Variants in KCNQ5 observed in about 807,000 individuals in gnomAD.
KCNQ5 encodes the protein potassium voltage-gated channel subfamily KQT member 5.
Under a neutral mutation model 98.2 loss-of-function variants are expected in KCNQ5, and 30 were observed. The ratio of observed to expected loss-of-function variants is 0.31; its 90% CI spans 0.23 to 0.41. The LOEUF is 0.41. Ranked by LOEUF, KCNQ5 falls within the 10% of genes least tolerant of loss-of-function variation. The pLI, the probability that KCNQ5 is intolerant of heterozygous loss-of-function variation, is 1.00. For missense variants in KCNQ5, 835 were observed against 1,182.5 expected (o/e 0.71, Z 4.31); for synonymous variants, 458 against 449.4 (o/e 1.02, Z -0.24).
chr6:72,779,045 C>T (rs1272235201), intron 1 of KCNQ5, among the ~76,000 whole-genome samples: 4 of 152,162 alleles, frequency 2.6e-5, no homozygotes, highest in Admixed American at 2.6e-4. Context: ...GTTGAGACTG[C>T]TTTTCCACAC....
chr6:72,628,611 T>C (rs1472425096), intron 1 of KCNQ5, among the ~76,000 whole-genome samples: 1 of 152,178 alleles, frequency 6.6e-6, no homozygotes, highest in Non-Finnish European at 1.5e-5. Context: ...TCTTTCTTTC[T>C]TTCTTTTTGT....
chr6:72,786,008 T>C (rs1052027908), intron 1 of KCNQ5, among the ~76,000 whole-genome samples: 28 of 152,344 alleles, frequency 1.8e-4, no homozygotes, highest in African/African-American at 6.3e-4. Context: ...TTTTCTGTTA[T>C]TTACATTTAA....
intron 1 of KCNQ5, among the ~76,000 whole-genome samples, chr6:72,934,727 G>C (rs1250295510): frequency 6.6e-6 from 1 of 152,150 alleles, no homozygotes; most frequent in Non-Finnish European, 1.5e-5. Context: ...GTAACAGGAG[G>C]CTCTTTCTCT....
At chr6:73,088,120 C>T (rs182809683) in intron 5 of KCNQ5, among the ~76,000 whole-genome samples, 108 of 148,176 alleles carry the variant, frequency 7.3e-4, no homozygotes, top group African/African-American at 2.4e-3. Flanking sequence ...ATCCTAGATT[C>T]AATCAATTCC....
Position 73,077,748 on chromosome 6 carries a change from C to T in KCNQ5, c.793-14C>T. The T allele has an allele frequency of 6.3e-7, 1 of 1,592,880 alleles. No homozygotes were observed. The highest frequency in any genetic ancestry group is 8.5e-7 in the Non-Finnish European group (1 of 1,171,678). ...TTCCCACCTCTAAAAATCTTTCATT[C>T]CTTTTATATCTAGGAATTAATCACA... On this transcript the variant is annotated splice_polypyrimidine_tract_variant and intron_variant, in intron 4 of 13. Transcript: ENST00000370398.
chr6:72,791,405 T>C (rs1774035070), intron 1 of KCNQ5, among the ~76,000 whole-genome samples: 1 of 152,088 alleles, frequency 6.6e-6, no homozygotes, highest in Non-Finnish European at 1.5e-5. Context: ...CTAACTCCCT[T>C]TTCTCCTACC....
chr6:73,005,884 T>C (rs966242818), intron 2 of KCNQ5, among the ~76,000 whole-genome samples: 4 of 152,218 alleles, frequency 2.6e-5, no homozygotes, highest in Admixed American at 6.5e-5. Flanking sequence ...TAGTGATACA[T>C]TGTCAAAGTA....
chr6:73,195,244 G>C lies in KCNQ5; in HGVS notation c.2629G>C (p.Gly877Arg), dbSNP rs953461019. Residue 877 changes from glycine to arginine, a missense_variant, in exon 14 of 14, where the codon GGT becomes CGT. By Grantham distance (125) the Gly-to-Arg change is moderately radical. Around this residue, in one of 10 missense-constraint regions of KCNQ5, gnomAD observed 416 missense variants for 446.9 expected, o/e 0.93. Coordinates refer to ENST00000370398, the MANE Select transcript of KCNQ5 (RefSeq NM_019842.4). Reference sequence around the variant, plus strand: ...ATTGTTTATAACTGATGAAGAGGTGGGTCCCGAAGAGACAGAGACAGACAC... The same window carrying C: ...ATTGTTTATAACTGATGAAGAGGTGCGTCCCGAAGAGACAGAGACAGACAC... Reference protein sequence around the residue: ...SKLFITDEEVGPEETETDTFD... With the variant: ...SKLFITDEEVRPEETETDTFD... 2 of 1,614,046 alleles carry C rather than the reference G, an allele frequency of 1.2e-6. No individual in the cohort carries two copies. Among genetic ancestry groups the C allele is most frequent in the African/African-American group, 2.7e-5 (2 of 74,914 alleles).
At chr6:73,161,641 A>G (rs1777618608) in intron 10 of KCNQ5, among the ~76,000 whole-genome samples, 1 of 152,252 alleles carries the variant, frequency 6.6e-6, no homozygotes, top group African/African-American at 2.4e-5. Context: ...AAAGAAATGC[A>G]GAAAGAATCT....
intron 5 of KCNQ5, among the ~76,000 whole-genome samples, chr6:73,078,307 G>A (rs1261105965): frequency 6.6e-6 from 1 of 151,936 alleles, no homozygotes; most frequent in Non-Finnish European, 1.5e-5. Context: ...TAAAATTGCA[G>A]CACAAAGAAA....
At position 72,764,754 on chromosome 6, in the gene KCNQ5, G is replaced by GC. The variant is rs568802205; in HGVS notation, c.398+142172dup. Among the ~76,000 whole-genome samples, 499 of 151,544 alleles carry GC rather than the reference G, an allele frequency of 3.3e-3. 3 individuals carry two copies. The highest frequency in any genetic ancestry group is 0.011 in the African/African-American group (452 of 41,348). On this transcript the variant is annotated intron_variant, in intron 1 of 13. Coordinates refer to ENST00000370398, the MANE Select transcript of KCNQ5 (RefSeq NM_019842.4). ...CCATTAACCATTCCTACTTCCCCCT[G>GC]CCCCCAGCACCCCACTACCCTTGCA...
chr6:73,151,827 T>C (rs1258371291), intron 10 of KCNQ5, among the ~76,000 whole-genome samples: 1 of 152,204 alleles, frequency 6.6e-6, no homozygotes, highest in Non-Finnish European at 1.5e-5. Flanking sequence ...TCTTTCTTGA[T>C]TCACTCCATT....
chr6:72,960,560 G>T (rs796701174), intron 1 of KCNQ5, among the ~76,000 whole-genome samples: 5 of 152,236 alleles, frequency 3.3e-5, no homozygotes, highest in African/African-American at 1.2e-4. Flanking sequence ...CTCCCGAGTA[G>T]CTGGGATTAC....
chr6:72,934,658 G>C (rs545309397), intron 1 of KCNQ5, among the ~76,000 whole-genome samples: 4 of 152,256 alleles, frequency 2.6e-5, no homozygotes, highest in African/African-American at 9.6e-5. Flanking sequence ...TCATCTTTAA[G>C]TGTTTCCTAA....
intron 1 of KCNQ5, among the ~76,000 whole-genome samples, chr6:72,876,872 T>C (rs1443001409): frequency 6.6e-6 from 1 of 152,106 alleles, no homozygotes; most frequent in African/African-American, 2.4e-5. Context: ...GGCGAGAGAT[T>C]TGAGACTAAA....
At chr6:72,839,438 C>A (rs916630883) in intron 1 of KCNQ5, among the ~76,000 whole-genome samples, 1 of 152,100 alleles carries the variant, frequency 6.6e-6, no homozygotes, top group South Asian at 2.1e-4. Context: ...AAAAGTAGAT[C>A]GTGTTTTCCT....
intron 1 of KCNQ5, among the ~76,000 whole-genome samples, chr6:72,879,123 G>T (rs1202144319): frequency 6.6e-6 from 1 of 151,942 alleles, no homozygotes; most frequent in Non-Finnish European, 1.5e-5. Context: ...TTTCTCTGGG[G>T]TCTAAATCCA....
intron 1 of KCNQ5, among the ~76,000 whole-genome samples, chr6:72,641,680 C>A (rs2098927264): frequency 6.6e-6 from 1 of 151,980 alleles, no homozygotes; most frequent in Admixed American, 6.6e-5. Flanking sequence ...TATTAATATA[C>A]TTTTTAATTG....
intron 5 of KCNQ5, among the ~76,000 whole-genome samples, chr6:73,096,925 C>T (rs1326129049): frequency 6.6e-6 from 1 of 151,994 alleles, no homozygotes; most frequent in South Asian, 2.1e-4. Context: ...TGCCTGTAAT[C>T]CCAGCTACTC....
Sources: allele counts gnomAD v4.1 joint callset (sites outside exome capture counted in the v4.1 genomes callset), GRCh38; gene constraint gnomAD v4.1.1; regional missense constraint gnomAD v4.1.1; transcripts MANE v1.5; gene names NCBI Gene and HGNC (gene_info 2026-07-23, HGNC 2026-07-21).